The following SYN2 variants were observed in gnomAD, a reference collection of about 807,000 sequenced individuals.
The protein encoded by SYN2 is synapsin II.
Under a neutral mutation model 50.9 loss-of-function variants are expected in SYN2, and 19 were observed. The ratio of observed to expected loss-of-function variants is 0.37; its 90% CI spans 0.26 to 0.55. The LOEUF (loss-of-function observed/expected upper bound fraction) is 0.55. Among genes scored for constraint, SYN2 ranks in the 20% least tolerant of loss-of-function variants. The probability of loss-of-function intolerance (pLI) is 0.81; values close to 1 mark genes in which losing one functional copy is unlikely to be tolerated. For synonymous variants in SYN2, 255 were observed against 224.9 expected, an observed-to-expected ratio of 1.13 and a Z score of -1.20; for missense variants, 587 against 576.4, an observed-to-expected ratio of 1.02 and a Z score of -0.19.
At chr3:12,102,672 A>G (rs1035842918) in intron 1 of SYN2, among the ~76,000 whole-genome samples, 1 of 152,164 alleles carries the variant, frequency 6.6e-6, no homozygotes, top group Non-Finnish European at 1.5e-5. Flanking sequence ...GAATAATGTG[A>G]TATAATCAGG....
intron 5 of SYN2, among the ~76,000 whole-genome samples, chr3:12,152,309 T>C (rs1697321217): frequency 6.6e-6 from 1 of 152,184 alleles, no homozygotes; most frequent in South Asian, 2.1e-4. Context: ...TCTGAAACTC[T>C]AAGCTCTTGT....
chr3:12,110,277 G>A (rs1019659223), intron 1 of SYN2, among the ~76,000 whole-genome samples: 1 of 152,218 alleles, frequency 6.6e-6, no homozygotes, highest in Non-Finnish European at 1.5e-5. Flanking sequence ...ATCACATGGA[G>A]GCAAAAGGTG....
At chr3:12,145,216 A>G (rs533785135) in intron 3 of SYN2, among the ~76,000 whole-genome samples, 1 of 152,326 alleles carries the variant, frequency 6.6e-6, no homozygotes, top group South Asian at 2.1e-4. Context: ...AGCCTGAGCA[A>G]CATAGTGAGA....
chr3:12,164,984 C>CTTTTTTTTTTTTTTTT (rs68043865), intron 7 of SYN2, among the ~76,000 whole-genome samples: 4 of 92,336 alleles, frequency 4.3e-5, no homozygotes, highest in Admixed American at 1.4e-4. Context: ...TTTTTCTTTT[C>CTTTTTTTTTTTTTTTT]TTTTTTTTTT....
intron 10 of SYN2, among the ~76,000 whole-genome samples, chr3:12,173,223 G>A (rs1223300556): frequency 6.6e-6 from 1 of 152,072 alleles, no homozygotes; most frequent in African/African-American, 2.4e-5. Flanking sequence ...TGAGCTTAAA[G>A]CCATGACTGT....
At chr3:12,167,120 G>A in intron 7 of SYN2, 114 bp from the exon 8 acceptor site, 2 of 1,063,886 alleles carry the variant, frequency 1.9e-6, no homozygotes, top group Non-Finnish European at 1.4e-6. Flanking sequence ...TGGGCTACTT[G>A]TGGGAGAAGC....
At chr3:12,081,890 T>C (rs1695593422) in intron 1 of SYN2, among the ~76,000 whole-genome samples, 1 of 152,208 alleles carries the variant, frequency 6.6e-6, no homozygotes, top group Admixed American at 6.5e-5. Flanking sequence ...TTGTTCGTTC[T>C]TTGTGTGCTT....
intron 1 of SYN2, among the ~76,000 whole-genome samples, chr3:12,066,547 A>C (rs1478414457): frequency 1.3e-5 from 2 of 152,208 alleles, no homozygotes; most frequent in African/African-American, 4.8e-5. Flanking sequence ...GCTTTTATGC[A>C]AACTGAATAT....
intron 1 of SYN2, among the ~76,000 whole-genome samples, chr3:12,059,455 C>G (rs540433217): frequency 6.6e-6 from 1 of 152,216 alleles, no homozygotes; most frequent in East Asian, 1.9e-4. Flanking sequence ...TTAACTCTGG[C>G]TCCTGGGTGT....
chr3:12,166,149 T>C (rs1697786910), intron 7 of SYN2, among the ~76,000 whole-genome samples: 1 of 152,138 alleles, frequency 6.6e-6, no homozygotes, highest in South Asian at 2.1e-4. Flanking sequence ...TTCTGAAAAA[T>C]GAGCCATATA....
At chr3:12,022,627 C>A (rs1694166470) in intron 1 of SYN2, among the ~76,000 whole-genome samples, 1 of 151,896 alleles carries the variant, frequency 6.6e-6, no homozygotes, top group Admixed American at 6.6e-5. Flanking sequence ...CCAAGATGGT[C>A]TCGATCTCTT....
chr3:12,033,930 A>G (rs1256498723), intron 1 of SYN2, among the ~76,000 whole-genome samples: 1 of 152,184 alleles, frequency 6.6e-6, no homozygotes, highest in African/African-American at 2.4e-5. Context: ...TTTACTTATC[A>G]GTTGATGGAC....
intron 5 of SYN2, chr3:12,158,590 C>G (rs990670827): frequency 6.7e-7 from 1 of 1,484,960 alleles, no homozygotes; most frequent in Non-Finnish European, 9.1e-7. Context: ...AAGAGACAAC[C>G]GGTAAGAATT....
At chr3:12,157,029 T>A in intron 5 of SYN2, 1 of 881,400 alleles carries the variant, frequency 1.1e-6, no homozygotes, top group Non-Finnish European at 1.8e-6. Context: ...CCTAAAAATG[T>A]AAGCAAAAGT....
chr3:12,044,204 CACACA>C (rs1446484296), intron 1 of SYN2, among the ~76,000 whole-genome samples: 25 of 150,706 alleles, frequency 1.7e-4, no homozygotes, highest in Non-Finnish European at 2.7e-4. Context: ...CACACACACA[CACACA>C]CACACACACA....
Position 12,151,223 on chromosome 3 carries a change from CT to C in SYN2, c.685-10del. The C allele has an allele frequency of 6.3e-7, 1 of 1,599,912 alleles. No individual in the cohort carries two copies. Among genetic ancestry groups the C allele is most frequent in the South Asian group, 1.1e-5 (1 of 88,802 alleles). ...TATCTAAGATAAGCTGTAACATTTGCTTTTCTTTTGCAGTTTGCCCAGCTGG... is the reference window on the plus strand; with the variant it reads ...TATCTAAGATAAGCTGTAACATTTGCTTTCTTTTGCAGTTTGCCCAGCTGG... On this transcript the variant is annotated splice_polypyrimidine_tract_variant and intron_variant, in intron 4 of 12. Transcript: ENST00000621198.
chr3:12,166,251 G>A (rs143330697), intron 7 of SYN2, among the ~76,000 whole-genome samples: 40 of 152,304 alleles, frequency 2.6e-4, no homozygotes, highest in East Asian at 3.9e-4. Flanking sequence ...GGGCTCTGTC[G>A]ACAGTGTAAG....
chr3:12,129,849 G>A (rs1386082625), intron 1 of SYN2, among the ~76,000 whole-genome samples: 1 of 152,140 alleles, frequency 6.6e-6, no homozygotes, highest in Non-Finnish European at 1.5e-5. Flanking sequence ...TAATATGATG[G>A]TATTTGGAGG....
At chr3:12,082,133 G>A (rs961633406) in intron 1 of SYN2, among the ~76,000 whole-genome samples, 1 of 152,122 alleles carries the variant, frequency 6.6e-6, no homozygotes, top group African/African-American at 2.4e-5. Context: ...ATGAGCATTG[G>A]GCAAAGTCTA....
Sources: allele counts gnomAD v4.1 joint callset (sites outside exome capture counted in the v4.1 genomes callset), GRCh38; gene constraint gnomAD v4.1.1; transcripts MANE v1.5; gene names NCBI Gene and HGNC (gene_info 2026-07-23, HGNC 2026-07-21).